Variants in PTPRT observed in about 807,000 individuals in gnomAD.
PTPRT encodes protein tyrosine phosphatase receptor type T.
A neutral mutation model predicts 176.8 loss-of-function variants in PTPRT; 56 were observed. That is an observed-to-expected ratio of 0.32 (90% CI 0.26 to 0.40). PTPRT has a LOEUF of 0.40. Among genes scored for constraint, PTPRT ranks in the 10% least tolerant of loss-of-function variants. The pLI is 1.00. For synonymous variants in PTPRT, 783 were observed against 739.0 expected (o/e 1.06, Z -0.96); for missense variants, 1,540 against 1,908.2 (o/e 0.81, Z 3.60).
intron 7 of PTPRT, among the ~76,000 whole-genome samples, chr20:42,543,802 T>C (rs939386043): frequency 1.1e-4 from 17 of 152,162 alleles, no homozygotes; most frequent in African/African-American, 3.4e-4. Context: ...TTAGCAGGCA[T>C]GAAAACAACG....
chr20:42,881,839 T>G (rs1454957206), intron 2 of PTPRT, among the ~76,000 whole-genome samples: 1 of 146,510 alleles, frequency 6.8e-6, no homozygotes, highest in Non-Finnish European at 1.5e-5. Flanking sequence ...CAAGGAACAA[T>G]ATGTGCAAAG....
intron 1 of PTPRT, among the ~76,000 whole-genome samples, chr20:43,146,880 T>A (rs569782252): frequency 2.4e-4 from 37 of 152,256 alleles, no homozygotes; most frequent in African/African-American, 7.9e-4. Flanking sequence ...GTCAATACGA[T>A]GGAACTATAT....
In PTPRT at chr20:42,075,899, T is replaced by C. The variant is rs1001563897; in HGVS notation, c.*4980A>G. On this transcript the variant is annotated 3_prime_UTR_variant, in exon 31 of 31. Transcript: ENST00000373187. ...CTTGTTCCAAGTGGCTCTGGCAAGC[T>C]GTTACCCATCCTTTCTCCAGCTATG... is the stretch of plus-strand genomic sequence containing the variant. 4 of 208,106 alleles carry C rather than the reference T, an allele frequency of 1.9e-5. No homozygotes were observed. Among genetic ancestry groups the C allele is most frequent in the African/African-American group, 9.1e-5 (4 of 43,880 alleles). 12.9% of individuals were successfully genotyped at this position (208,106 alleles called of 1,614,324 possible).
chr20:42,726,990 A>C (rs1181590175), intron 6 of PTPRT, among the ~76,000 whole-genome samples: 1 of 152,234 alleles, frequency 6.6e-6, no homozygotes, highest in African/African-American at 2.4e-5. Flanking sequence ...AATAAATGTC[A>C]GTGCCCCTCA....
intron 1 of PTPRT, among the ~76,000 whole-genome samples, chr20:43,135,161 G>C (rs973801845): frequency 1.3e-5 from 2 of 152,224 alleles, no homozygotes; most frequent in Admixed American, 6.5e-5. Flanking sequence ...CCAGAGAAAA[G>C]CAATGGGGAG....
intron 7 of PTPRT, among the ~76,000 whole-genome samples, chr20:42,496,264 T>TA (rs2071651881): frequency 6.6e-6 from 1 of 152,110 alleles, no homozygotes; most frequent in Non-Finnish European, 1.5e-5. Context: ...GAGGCAGGCA[T>TA]ACCCCATGTA....
At chr20:42,070,484 G>A (rs1427743415), downstream of PTPRT, among the ~76,000 whole-genome samples, 13 of 151,990 alleles carry the variant, frequency 8.6e-5, no homozygotes, top group Admixed American at 5.9e-4. Context: ...CTCTGCTAAC[G>A]TTGATCCTTA....
At chr20:43,108,225 G>C (rs970894506) in intron 1 of PTPRT, among the ~76,000 whole-genome samples, 1 of 152,104 alleles carries the variant, frequency 6.6e-6, no homozygotes, top group Non-Finnish European at 1.5e-5. Context: ...CCACCTCTTG[G>C]AACTCTAGTT....
intron 6 of PTPRT, among the ~76,000 whole-genome samples, chr20:42,749,332 A>G (rs1458579438): frequency 2.0e-5 from 3 of 152,128 alleles, no homozygotes; most frequent in African/African-American, 7.2e-5. Context: ...TGTCCTGCTT[A>G]TGAGCTTGCC....
At chr20:42,994,563 T>A (rs950905063) in intron 1 of PTPRT, among the ~76,000 whole-genome samples, 28 of 152,124 alleles carry the variant, frequency 1.8e-4, no homozygotes, top group Non-Finnish European at 2.4e-4. Context: ...GAGAGCCAGA[T>A]GCCAGGCACA....
chr20:42,047,219 C>G, the PTPRT span, among the ~76,000 whole-genome samples: 1 of 152,198 alleles, frequency 6.6e-6, no homozygotes, highest in Non-Finnish European at 1.5e-5. Context: ...GATACTGATG[C>G]ATCTACAAAC....
At chr20:42,485,025 C>T (rs1274923485) in intron 7 of PTPRT, among the ~76,000 whole-genome samples, 1 of 152,194 alleles carries the variant, frequency 6.6e-6, no homozygotes, top group Non-Finnish European at 1.5e-5. Context: ...CCTCCTGCCA[C>T]ATCAACTGCT....
intron 23 of PTPRT, among the ~76,000 whole-genome samples, chr20:42,108,590 T>C (rs1254005030): frequency 6.6e-6 from 1 of 152,214 alleles, no homozygotes; most frequent in Non-Finnish European, 1.5e-5. Flanking sequence ...ACTATTATAT[T>C]CAACAAATAT....
intron 4 of PTPRT, among the ~76,000 whole-genome samples, chr20:42,775,022 G>A (rs149941457): frequency 1.3e-4 from 20 of 152,126 alleles, no homozygotes; most frequent in African/African-American, 3.4e-4. Context: ...TATATTCCAC[G>A]AGCTTCAAAT....
At chr20:42,112,523 G>A (rs1987057834) in intron 22 of PTPRT, among the ~76,000 whole-genome samples, 1 of 151,846 alleles carries the variant, frequency 6.6e-6, no homozygotes, top group African/African-American at 2.4e-5. Context: ...GGGAAAAACA[G>A]AAATTTTTTT....
intron 1 of PTPRT, among the ~76,000 whole-genome samples, chr20:43,011,392 T>C (rs1413360460): frequency 6.6e-6 from 1 of 152,158 alleles, no homozygotes; most frequent in Non-Finnish European, 1.5e-5. Flanking sequence ...CTTCAATAAA[T>C]ACTCCAAAAG....
In PTPRT at chr20:42,199,403, C is replaced by G; in HGVS notation, c.2343-15G>C. 1 of 1,609,910 alleles carries G rather than the reference C, an allele frequency of 6.2e-7. No individual in the cohort carries two copies. The highest frequency in any genetic ancestry group is 8.5e-7 in the Non-Finnish European group (1 of 1,178,300). On this transcript the variant is annotated splice_polypyrimidine_tract_variant and intron_variant, in intron 15 of 30. Transcript: ENST00000373187. ...TGGCCAGCTTCCTTTGGGACATGTGCAAGGGGAAAAAACCACAGTCAGATG... is the reference window on the plus strand; with the variant it reads ...TGGCCAGCTTCCTTTGGGACATGTGGAAGGGGAAAAAACCACAGTCAGATG...
chr20:42,198,842 C>CA (rs1258881764), intron 16 of PTPRT, among the ~76,000 whole-genome samples: 1 of 152,224 alleles, frequency 6.6e-6, no homozygotes, highest in Non-Finnish European at 1.5e-5. Context: ...ATCTGTGACT[C>CA]ACCTACCTTA....
At chr20:42,818,775 C>T (rs995786113) in intron 2 of PTPRT, among the ~76,000 whole-genome samples, 13 of 152,158 alleles carry the variant, frequency 8.5e-5, no homozygotes, top group African/African-American at 3.1e-4. Context: ...AACAGCCAAA[C>T]TGACCACGCG....
Sources: allele counts gnomAD v4.1 joint callset (sites outside exome capture counted in the v4.1 genomes callset), GRCh38; gene constraint gnomAD v4.1.1; transcripts MANE v1.5; gene names NCBI Gene and HGNC (gene_info 2026-07-23, HGNC 2026-07-21).